ARID2: variants seen among roughly 807,000 people sequenced by gnomAD.
ARID2 encodes the protein AT-rich interaction domain 2, also known as AT-rich interactive domain-containing protein 2.
In ARID2, 32 loss-of-function variants were observed where a neutral mutation model predicts 184.6. That is an observed-to-expected ratio of 0.17 (90% confidence interval 0.13 to 0.23). The LOEUF is 0.23. ARID2 is among the 10% of genes least tolerant of loss of function. The pLI, the probability that ARID2 is intolerant of heterozygous loss-of-function variation, is 1.00. For missense variants in ARID2, 1,696 were observed against 2,197.6 expected (o/e 0.77, Z 4.56); for synonymous variants, 836 against 772.6 (o/e 1.08, Z -1.36).
chr12:45,835,900 C>CAAA (rs543677456), intron 6 of ARID2, among the ~76,000 whole-genome samples: 2 of 134,774 alleles, frequency 1.5e-5, no homozygotes, highest in South Asian at 4.9e-4. Context: ...AACTCCATCT[C>CAAA]AAAAAAAAAA....
At position 45,850,159 on chromosome 12, in the gene ARID2, A is replaced by T. The variant is rs1037566543; in HGVS notation, c.2036A>T (p.Gln679Leu). 1 of 1,614,138 alleles carries T rather than the reference A, an allele frequency of 6.2e-7. No homozygotes were observed. Among genetic ancestry groups the T allele is most frequent in the Non-Finnish European group, 8.5e-7 (1 of 1,179,996 alleles). Reference sequence around the variant, plus strand: ...GTACAAGGTGTTCATACTGTGGCACAAACTGTTTCAAGAATTCCACAAAAT... The same window carrying T: ...GTACAAGGTGTTCATACTGTGGCACTAACTGTTTCAAGAATTCCACAAAAT... ...FPVQGVHTVA[Q>L]TVSRIPQNPS... Residue 679 changes from glutamine to leucine, a missense_variant, in exon 15 of 21, where the codon CAA becomes CTA. Gln to Leu is a moderately radical substitution (Grantham distance 113, BLOSUM62 -2). Coordinates refer to ENST00000334344, the MANE Select transcript of ARID2 (RefSeq NM_152641.4).
chr12:45,729,984 C>G, intron 1 of ARID2, 56 bp downstream of exon 1: 1 of 1,605,724 alleles, frequency 6.2e-7, no homozygotes, highest in Non-Finnish European at 8.5e-7. Context: ...ACGGGGCTCT[C>G]CCGCCCGGGC....
chr12:45,791,354 T>G (rs1942286997), intron 3 of ARID2, among the ~76,000 whole-genome samples: 1 of 152,244 alleles, frequency 6.6e-6, no homozygotes. Flanking sequence ...TATTTTTTAA[T>G]GTGGCAAATT....
chr12:45,904,364 A>G, intron 20 of ARID2: 1 of 716,276 alleles, frequency 1.4e-6, no homozygotes, highest in South Asian at 1.5e-5. Flanking sequence ...AGATTGAAAA[A>G]GAATTTTGCT....
chr12:45,748,090 G>T (rs944132323), intron 3 of ARID2, among the ~76,000 whole-genome samples: 26 of 152,162 alleles, frequency 1.7e-4, no homozygotes, highest in Admixed American at 2.6e-4. Context: ...GGCCAGGTGT[G>T]GTGGCTCAAC....
chr12:45,849,938 T>A (rs1943511477), intron 14 of ARID2, 98 bp from the exon 15 acceptor site: 1 of 1,465,022 alleles, frequency 6.8e-7, no homozygotes, highest in Non-Finnish European at 9.0e-7. Context: ...TTGTTAGATG[T>A]TAATTTCTTA....
intron 16 of ARID2, among the ~76,000 whole-genome samples, chr12:45,866,849 A>C (rs1943839062): frequency 6.6e-6 from 1 of 152,098 alleles, no homozygotes; most frequent in African/African-American, 2.4e-5. Context: ...TTATCACCCA[A>C]AGTCCATTGT....
chr12:45,765,332 A>G (rs1366219968), intron 3 of ARID2, among the ~76,000 whole-genome samples: 4 of 151,940 alleles, frequency 2.6e-5, no homozygotes, highest in African/African-American at 9.7e-5. Flanking sequence ...ATAGCCTCTC[A>G]AGTAGCTGGG....
intron 3 of ARID2, among the ~76,000 whole-genome samples, chr12:45,748,866 T>A (rs1941408338): frequency 1.3e-5 from 2 of 152,168 alleles, no homozygotes; most frequent in South Asian, 4.2e-4. Context: ...ATTGCAGCAG[T>A]TCAGTCACAT....
Position 45,860,885 on chromosome 12 carries a change from C to A in ARID2, c.4858C>A (p.Gln1620Lys). 1 of 1,604,962 alleles carries A rather than the reference C, an allele frequency of 6.2e-7. No homozygotes were observed. The highest frequency in any genetic ancestry group is 8.5e-7 in the Non-Finnish European group (1 of 1,175,514). The change falls in exon 16 of 21, where the codon CAG becomes AAG. Residue 1620 changes from glutamine to lysine, a missense_variant. Gln to Lys is a moderately conservative substitution (Grantham distance 53). This residue lies in a region of ARID2 where 111 missense variants were observed against 154.0 expected (regional missense o/e 0.72). Coordinates refer to ENST00000334344, the MANE Select transcript of ARID2 (RefSeq NM_152641.4). ...SQPSPFSGSS[Q>K]PGDPMRKPGQ... ...GCCTTCTCCATTCAGTGGATCCAGT[C>A]AGCCTGGAGATCCAATGAGAAAACC...
chr12:45,782,607 G>A (rs1942116351), intron 3 of ARID2, among the ~76,000 whole-genome samples: 1 of 152,096 alleles, frequency 6.6e-6, no homozygotes, highest in Admixed American at 6.6e-5. Flanking sequence ...ACTCCAGCCT[G>A]GGCGACAGAG....
intron 16 of ARID2, chr12:45,882,403 A>G (rs1232188634): frequency 1.3e-5 from 2 of 152,226 alleles, no homozygotes; most frequent in Non-Finnish European, 2.9e-5. Context: ...TACTGAAAAC[A>G]ACAACAGACA....
chr12:45,893,592 A>C (rs1944332204), intron 19 of ARID2, 38 bp from the exon 20 acceptor site: 2 of 1,604,380 alleles, frequency 1.2e-6, no homozygotes, highest in African/African-American at 2.7e-5. Context: ...GTCCTGTATG[A>C]TTTAGATCTT....
intron 3 of ARID2, among the ~76,000 whole-genome samples, chr12:45,801,691 C>A (rs1942504734): frequency 6.6e-6 from 1 of 152,016 alleles, no homozygotes; most frequent in South Asian, 2.1e-4. Context: ...GGACATTCTG[C>A]AAAATCGCCA....
Position 45,849,150 on chromosome 12 carries a change from A to G in ARID2, c.1715+180A>G, listed in dbSNP as rs139836268. Among the ~76,000 whole-genome samples, 169 of 152,234 alleles carry G rather than the reference A, an allele frequency of 1.1e-3. No homozygotes were observed. Among genetic ancestry groups the G allele is most frequent in the African/African-American group, 3.6e-3 (151 of 41,546 alleles). ...AAAAGCAGTTTCAGAAATCACATCT[A>G]GTGTTTGTGTTGGAACATTATGAGA... is the stretch of plus-strand genomic sequence containing the variant. On this transcript the variant is annotated intron_variant, in intron 13 of 20. Coordinates refer to ENST00000334344, the MANE Select transcript of ARID2 (RefSeq NM_152641.4).
Position 45,817,206 on chromosome 12 carries a change from T to C in ARID2, c.419-464T>C, listed in dbSNP as rs529164044. ...GACCTCTCTCTACTAAAAATAAAAT[T>C]AGTTGAGCATAGTGGAGCCTTCCTG... On this transcript the variant is annotated intron_variant, in intron 4 of 20. Coordinates refer to ENST00000334344, the MANE Select transcript of ARID2 (RefSeq NM_152641.4). 2.0e-5 allele frequency among the ~76,000 whole-genome samples: 3 copies of C among 151,988 alleles called. No individual in the cohort carries two copies. In the East Asian group the frequency reaches 5.8e-4, roughly 29 times the overall value.
In ARID2 at chr12:45,811,535, G is replaced by A. The variant is rs2138082999; in HGVS notation, c.402G>A (p.Gln134=). Residue 134 remains glutamine (Q), a synonymous_variant, in exon 4 of 21, where the codon CAG becomes CAA. Coordinates refer to ENST00000334344, the MANE Select transcript of ARID2 (RefSeq NM_152641.4). ...CAATTCCATCTTCCTACAATTACCA[G>A]CAACACAGTGTGTCGGGTAAATATC... ...IGAIPSSYNY[Q]QHSVSDYLRQ... The A allele has an allele frequency of 6.2e-7, 1 of 1,613,356 alleles. No individual in the cohort carries two copies. Among genetic ancestry groups the A allele is most frequent in the Non-Finnish European group, 8.5e-7 (1 of 1,179,618 alleles).
At chr12:45,787,487 C>T (rs1284298167) in intron 3 of ARID2, among the ~76,000 whole-genome samples, 3 of 151,812 alleles carry the variant, frequency 2.0e-5, no homozygotes, top group African/African-American at 4.8e-5. Context: ...CTCCCACCTT[C>T]GCCTCCCAAA....
intron 3 of ARID2, among the ~76,000 whole-genome samples, chr12:45,762,818 G>T (rs1451435420): frequency 6.6e-6 from 1 of 152,044 alleles, no homozygotes; most frequent in African/African-American, 2.4e-5. Flanking sequence ...AACATCTTAG[G>T]GTATTAAAGT....
Sources: allele counts gnomAD v4.1 joint callset (sites outside exome capture counted in the v4.1 genomes callset), GRCh38; gene constraint gnomAD v4.1.1; regional missense constraint gnomAD v4.1.1; transcripts MANE v1.5; gene names NCBI Gene and HGNC (gene_info 2026-07-23, HGNC 2026-07-21).